ZNF440: variants seen among roughly 807,000 people sequenced by gnomAD.
ZNF440 encodes zinc finger protein 440.
Under a neutral mutation model 49.7 loss-of-function variants are expected in ZNF440, and 47 were observed. The observed-to-expected ratio is 0.95, with a 90% CI of 0.75 to 1.21. ZNF440 has a LOEUF of 1.21. ZNF440 is among the 50% of genes most tolerant of loss of function. The pLI is 0.00. For synonymous variants in ZNF440, 255 were observed against 237.7 expected (o/e 1.07, Z -0.67); for missense variants, 703 against 715.0 (o/e 0.98, Z 0.19).
At position 11,832,251 on chromosome 19, in the gene ZNF440, G is replaced by GA; in HGVS notation, c.1081dup (p.Ile361AsnfsTer9). 6.2e-7 allele frequency: 1 copy of GA among 1,614,006 alleles called. No homozygotes were observed. Reference sequence around the variant, plus strand: ...TTCTGTGAATTCATTTCAAAGACATGAAAAAATTCACAGTGGAGAGAAACC... The same window carrying GA: ...TTCTGTGAATTCATTTCAAAGACATGAAAAAAATTCACAGTGGAGAGAAACC... On this transcript the variant is annotated frameshift_variant, in exon 4 of 4. Coordinates refer to ENST00000304060, the MANE Select transcript of ZNF440 (RefSeq NM_152357.3). LOFTEE classifies it high-confidence loss of function.
At position 11,831,646 on chromosome 19, in the gene ZNF440, C is replaced by T. The variant is rs1975940849; in HGVS notation, c.470C>T (p.Pro157Leu). ...CCTAAAAAAGCCTTCAGATACCGCCCCTCCTTTAGAACACAAGAAAGGGAT... is the reference window on the plus strand; with the variant it reads ...CCTAAAAAAGCCTTCAGATACCGCCTCTCCTTTAGAACACAAGAAAGGGAT... ...QQPKKAFRYR[P>L]SFRTQERDHT... The change falls in exon 4 of 4, where the codon CCC becomes CTC. Residue 157 changes from proline to leucine, a missense_variant. By Grantham distance (98) the Pro-to-Leu change is moderately conservative (BLOSUM62 -3). Coordinates refer to ENST00000304060, the MANE Select transcript of ZNF440 (RefSeq NM_152357.3). 3.1e-6 allele frequency: 5 copies of T among 1,614,128 alleles called. No individual in the cohort carries two copies. The highest frequency in any genetic ancestry group is 4.2e-6 in the Non-Finnish European group (5 of 1,180,010).
rs924437640 is a variant in ZNF440, at chr19:11,832,115, A to C, written c.939A>C (p.Glu313Asp). 4 of 1,614,102 alleles carry C rather than the reference A, an allele frequency of 2.5e-6. No individual in the cohort carries two copies. In the African/African-American group the frequency reaches 5.3e-5, roughly 22 times the overall value. ...CCCACTCTAGGAAAAATCTCTATGAATGTAAGCAGTGTGGGAAAGCATTAT... is the reference window on the plus strand; with the variant it reads ...CCCACTCTAGGAAAAATCTCTATGACTGTAAGCAGTGTGGGAAAGCATTAT... ...ERTHSRKNLY[E>D]CKQCGKALSS... Residue 313 changes from glutamate (E) to aspartate (D), a missense_variant, in exon 4 of 4, where the codon GAA becomes GAC. By Grantham distance (45) the Glu-to-Asp change is conservative. Transcript: ENST00000304060.
intron 1 of ZNF440, among the ~76,000 whole-genome samples, chr19:11,819,317 T>C (rs780524075): frequency 2.6e-5 from 4 of 152,118 alleles, no homozygotes; most frequent in Non-Finnish European, 5.9e-5. Context: ...AAGCTGTGTG[T>C]CAGGTGACTC....
At chr19:11,830,741 T>A (rs1449356470) in intron 3 of ZNF440, 64 bp downstream of exon 3, 28 of 1,527,168 alleles carry the variant, frequency 1.8e-5, no homozygotes, top group African/African-American at 2.8e-5. Context: ...GACAATATAT[T>A]AAAAATAAGT....
intron 3 of ZNF440, 39 bp downstream of exon 3, chr19:11,830,716 A>T: frequency 6.3e-7 from 1 of 1,594,236 alleles, no homozygotes; most frequent in East Asian, 2.2e-5. Flanking sequence ...GTCTCTCTAG[A>T]CAATCTTAGA....
intron 1 of ZNF440, among the ~76,000 whole-genome samples, chr19:11,819,593 T>A (rs569595708): frequency 6.6e-6 from 1 of 152,124 alleles, no homozygotes; most frequent in East Asian, 1.9e-4. Context: ...AAGGTGGGGG[T>A]TTCACCATGT....
In ZNF440 at chr19:11,828,687, CT is replaced by C. The variant is rs201282862; in HGVS notation, c.4-1581del. Reference sequence around the variant, plus strand: ...GTCCAAGATGTTATTTTTTCTTTTTCTTTTTTTTTTTTTTTGAATCAAGTTT... The same window carrying C: ...GTCCAAGATGTTATTTTTTCTTTTTCTTTTTTTTTTTTTTGAATCAAGTTT... On this transcript the variant is annotated intron_variant, in intron 1 of 3. Transcript: ENST00000304060. Among the ~76,000 whole-genome samples the C allele has an allele frequency of 5.5e-3, 757 of 138,380 alleles. 1 individual carries two copies. The East Asian group carries it at 0.059, about 11-fold the overall frequency. The allele number at this position is 138,380 out of a possible 152,430, so 90.8% of individuals were successfully genotyped here. A position where few individuals can be genotyped will look rare whatever the true frequency, so the allele number is the denominator to read the frequency against.
At chr19:11,828,488 A>C (rs1448351870) in intron 1 of ZNF440, among the ~76,000 whole-genome samples, 2 of 152,128 alleles carry the variant, frequency 1.3e-5, no homozygotes, top group Non-Finnish European at 1.5e-5. Context: ...CCTGGCTGCT[A>C]CCATGATTTA....
intron 1 of ZNF440, among the ~76,000 whole-genome samples, chr19:11,814,820 C>T (rs904832394): frequency 2.0e-5 from 3 of 152,228 alleles, no homozygotes; most frequent in Non-Finnish European, 4.4e-5. Flanking sequence ...AAATTTATTT[C>T]TACACAAGGG....
chr19:11,827,207 G>A (rs1458030163), intron 1 of ZNF440, among the ~76,000 whole-genome samples: 1 of 151,852 alleles, frequency 6.6e-6, no homozygotes, highest in Non-Finnish European at 1.5e-5. Flanking sequence ...GGGATTACAG[G>A]CTCATGCCAC....
chr19:11,827,931 C>A (rs1212107239), intron 1 of ZNF440, among the ~76,000 whole-genome samples: 1 of 152,006 alleles, frequency 6.6e-6, no homozygotes, highest in East Asian at 1.9e-4. Flanking sequence ...CCTAGTGCCT[C>A]TCTTGTCATC....
At position 11,818,574 on chromosome 19, in the gene ZNF440, C is replaced by A. The variant is rs966946831; in HGVS notation, c.3+4124C>A. Among the ~76,000 whole-genome samples the A allele has an allele frequency of 2.0e-5, 3 of 150,076 alleles. No homozygotes were observed. In the South Asian group the frequency reaches 6.3e-4, roughly 32 times the overall value. Reference sequence around the variant, plus strand: ...TTATTATTATTATTATTATTATAGACAATATCTTGCTCTGTGGCCCAGGCT... The same window carrying A: ...TTATTATTATTATTATTATTATAGAAAATATCTTGCTCTGTGGCCCAGGCT... On this transcript the variant is annotated intron_variant, in intron 1 of 3. Coordinates refer to ENST00000304060, the MANE Select transcript of ZNF440 (RefSeq NM_152357.3).
At chr19:11,829,558 C>T (rs1338251810) in intron 1 of ZNF440, among the ~76,000 whole-genome samples, 1 of 152,140 alleles carries the variant, frequency 6.6e-6, no homozygotes, top group East Asian at 1.9e-4. Flanking sequence ...TACAGACCCA[C>T]AGTCCAAAGA....
At chr19:11,831,039 G>T (rs1211123838) in intron 3 of ZNF440, among the ~76,000 whole-genome samples, 1 of 152,230 alleles carries the variant, frequency 6.6e-6, no homozygotes, top group East Asian at 1.9e-4. Context: ...AGTAAAGGCT[G>T]CAGTAAGCTA....
chr19:11,818,374 C>G (rs569469124), intron 1 of ZNF440, among the ~76,000 whole-genome samples: 1 of 152,024 alleles, frequency 6.6e-6, no homozygotes, highest in Non-Finnish European at 1.5e-5. Flanking sequence ...TCATGGGTTG[C>G]GACTGGCAAG....
chr19:11,820,217 TTTTG>T (rs1035102981), intron 1 of ZNF440, among the ~76,000 whole-genome samples: 29 of 152,108 alleles, frequency 1.9e-4, no homozygotes, highest in South Asian at 8.3e-4. Flanking sequence ...CTCGTATCCT[TTTTG>T]TTTGTTTGTT....
rs376056018 is a variant in ZNF440 at position 11,814,416 on chromosome 19, A to G, written c.-32A>G. On this transcript the variant is annotated 5_prime_UTR_variant, in exon 1 of 4. Transcript: ENST00000304060. The stretch of plus-strand genomic sequence containing the variant: ...CCTACACTAGTCGCGGGAGCCACGC[A>G]GAGGACGCCGGAACACCCTGGAAGC... 4 of 1,560,722 alleles carry G rather than the reference A, an allele frequency of 2.6e-6. No individual in the cohort carries two copies. Among genetic ancestry groups the G allele is most frequent in the Non-Finnish European group, 3.5e-6 (4 of 1,155,124 alleles).
At chr19:11,815,326 A>ACACACACACACACACACACACACACAC (rs1568237555) in intron 1 of ZNF440, among the ~76,000 whole-genome samples, 4 of 150,358 alleles carry the variant, frequency 2.7e-5, no homozygotes, top group Non-Finnish European at 5.9e-5. Flanking sequence ...ACACACACAC[A>ACACACACACACACACACACACACACAC]AATTAAATAG....
intron 1 of ZNF440, among the ~76,000 whole-genome samples, chr19:11,825,968 A>G (rs1975860583): frequency 6.6e-6 from 1 of 151,520 alleles, no homozygotes; most frequent in South Asian, 2.1e-4. Flanking sequence ...GGCATGCACC[A>G]TCACGCCCGG....
Sources: allele counts gnomAD v4.1 joint callset (sites outside exome capture counted in the v4.1 genomes callset), GRCh38; gene constraint gnomAD v4.1.1; transcripts MANE v1.5; gene names NCBI Gene and HGNC (gene_info 2026-07-23, HGNC 2026-07-21).